The following DCDC1 variants were observed in gnomAD, a reference collection of about 807,000 sequenced individuals.
DCDC1 encodes the protein doublecortin domain-containing protein 1.
Under a neutral mutation model 178.3 loss-of-function variants are expected in DCDC1, and 200 were observed. That is an observed-to-expected ratio of 1.12 (90% CI 1.00 to 1.26). The LOEUF is 1.26. Among genes scored for constraint, DCDC1 ranks in the 50% most tolerant of loss-of-function variants. The probability of loss-of-function intolerance (pLI) is 0.00; values close to 1 mark genes in which losing one functional copy is unlikely to be tolerated. For synonymous variants in DCDC1, 690 were observed against 604.8 expected (o/e 1.14, Z -2.07); for missense variants, 1,983 against 1,749.2 (o/e 1.13, Z -2.38).
At chr11:31,134,400 A>G (rs1013477243) in intron 10 of DCDC1, among the ~76,000 whole-genome samples, 3 of 152,226 alleles carry the variant, frequency 2.0e-5, no homozygotes, top group African/African-American at 7.2e-5. Flanking sequence ...TGAGAGTCAC[A>G]GGACTCCTCT....
intron 9 of DCDC1, among the ~76,000 whole-genome samples, chr11:31,161,213 G>A (rs552786913): frequency 1.3e-5 from 2 of 152,182 alleles, no homozygotes; most frequent in African/African-American, 4.8e-5. Flanking sequence ...AAAAAAAGAG[G>A]CCCTACAGGT....
chr11:30,947,928 T>C (rs1286041103), intron 21 of DCDC1, among the ~76,000 whole-genome samples: 1 of 152,098 alleles, frequency 6.6e-6, no homozygotes, highest in Non-Finnish European at 1.5e-5. Flanking sequence ...GACATTTCCT[T>C]AGAAAACTGG....
chr11:30,995,804 G>A (rs947416706), intron 20 of DCDC1, among the ~76,000 whole-genome samples: 22 of 152,112 alleles, frequency 1.4e-4, no homozygotes, highest in African/African-American at 5.3e-4. Flanking sequence ...AGACTTAATG[G>A]CAAAATATAA....
intron 29 of DCDC1, among the ~76,000 whole-genome samples, chr11:30,908,620 T>C (rs1174423551): frequency 2.0e-5 from 3 of 152,148 alleles, no homozygotes; most frequent in Non-Finnish European, 4.4e-5. Context: ...TTGGCAAACA[T>C]GGCAAAACCT....
intron 8 of DCDC1, among the ~76,000 whole-genome samples, chr11:31,251,103 G>A (rs1944000492): frequency 6.6e-6 from 1 of 152,102 alleles, no homozygotes; most frequent in Admixed American, 6.6e-5. Flanking sequence ...TTAGCCCTAT[G>A]CTGAACATGG....
chr11:31,080,876 A>G (rs540936929), intron 17 of DCDC1, among the ~76,000 whole-genome samples: 16 of 152,226 alleles, frequency 1.1e-4, no homozygotes, highest in Non-Finnish European at 2.1e-4. Context: ...ATAATTTTTC[A>G]AAGTATACGA....
At chr11:31,298,545 C>T (rs894508846) in intron 6 of DCDC1, among the ~76,000 whole-genome samples, 1 of 152,120 alleles carries the variant, frequency 6.6e-6, no homozygotes, top group East Asian at 1.9e-4. Context: ...CATATACTCT[C>T]CCAAAGCACT....
At chr11:31,153,861 A>G (rs1041055551) in intron 9 of DCDC1, among the ~76,000 whole-genome samples, 2 of 126,272 alleles carry the variant, frequency 1.6e-5, no homozygotes, top group Non-Finnish European at 3.4e-5. Flanking sequence ...AGTGTCATGC[A>G]CACACACACA....
intron 29 of DCDC1, among the ~76,000 whole-genome samples, chr11:30,907,912 T>A (rs1192956902): frequency 6.6e-6 from 1 of 152,220 alleles, no homozygotes; most frequent in African/African-American, 2.4e-5. Flanking sequence ...TAGGTGTTCA[T>A]CCTACCTTCC....
chr11:31,040,129 T>G (rs1311383668), intron 20 of DCDC1, among the ~76,000 whole-genome samples: 2 of 148,754 alleles, frequency 1.3e-5, no homozygotes, highest in Admixed American at 6.7e-5. Flanking sequence ...TGGTCAAAAC[T>G]AAAAAAAAAT....
At chr11:30,901,879 A>G (rs1441704396) in intron 32 of DCDC1, among the ~76,000 whole-genome samples, 2 of 152,160 alleles carry the variant, frequency 1.3e-5, no homozygotes, top group African/African-American at 4.8e-5. Flanking sequence ...TATCCTATAC[A>G]CAAAAGTGAT....
intron 11 of DCDC1, among the ~76,000 whole-genome samples, chr11:31,112,561 C>T (rs1422884887): frequency 6.6e-6 from 1 of 152,086 alleles, no homozygotes; most frequent in East Asian, 1.9e-4. Context: ...TGCAGAAAGC[C>T]AGCTGAGGCT....
At chr11:31,194,786 A>G (rs1970495149) in intron 9 of DCDC1, among the ~76,000 whole-genome samples, 1 of 152,072 alleles carries the variant, frequency 6.6e-6, no homozygotes, top group African/African-American at 2.4e-5. Context: ...CTTAGAACAA[A>G]TCCCCAAATG....
intron 20 of DCDC1, among the ~76,000 whole-genome samples, chr11:30,990,359 C>A (rs971834718): frequency 6.6e-5 from 10 of 152,200 alleles, no homozygotes; most frequent in African/African-American, 2.4e-4. Context: ...CACCTTATTG[C>A]ATCTTGAGAC....
chr11:31,204,984 A>G (rs989435580), intron 9 of DCDC1, among the ~76,000 whole-genome samples: 1 of 152,214 alleles, frequency 6.6e-6, no homozygotes, highest in Non-Finnish European at 1.5e-5. Flanking sequence ...GGCATTGACA[A>G]TACTCTCAGT....
intron 11 of DCDC1, among the ~76,000 whole-genome samples, chr11:31,124,010 C>T (rs1335160573): frequency 1.3e-5 from 2 of 151,930 alleles, no homozygotes; most frequent in Non-Finnish European, 2.9e-5. Context: ...TAAATTTCCT[C>T]TTTTGTTTGC....
intron 20 of DCDC1, among the ~76,000 whole-genome samples, chr11:31,037,309 T>C (rs1263810004): frequency 6.6e-6 from 1 of 152,184 alleles, no homozygotes; most frequent in Non-Finnish European, 1.5e-5. Context: ...TCCATCACTA[T>C]GATGTCCCAG....
At chr11:30,932,990 T>G (rs1419909487) in intron 21 of DCDC1, among the ~76,000 whole-genome samples, 1 of 85,292 alleles carries the variant, frequency 1.2e-5, no homozygotes, top group Non-Finnish European at 2.8e-5. Context: ...TTATTCTTTC[T>G]CTTTTTTTTT....
intron 1 of DCDC1, among the ~76,000 whole-genome samples, chr11:31,366,612 A>G (rs1419046523): frequency 1.3e-5 from 2 of 152,190 alleles, no homozygotes; most frequent in Non-Finnish European, 2.9e-5. Context: ...AGTAAGGAGA[A>G]GCATTTGAAC....
Sources: gnomAD v4.1 joint callset for allele counts (sites outside exome capture counted in the v4.1 genomes callset) on GRCh38, gnomAD v4.1.1 for gene constraint, MANE v1.5 for transcripts, NCBI Gene and HGNC (gene_info 2026-07-23, HGNC 2026-07-21) for gene names.